The following HDAC8 variants were observed in gnomAD, a reference collection of about 807,000 sequenced individuals.
The protein encoded by HDAC8 is histone deacetylase-like 1.
HDAC8 carries 1 observed loss-of-function variant against 32.2 expected under a neutral mutation model. The ratio of observed to expected loss-of-function variants is 0.03; its 90% CI spans 0.01 to 0.15. The LOEUF is 0.15. Among genes scored for constraint, HDAC8 ranks in the 10% least tolerant of loss-of-function variants. The pLI is 1.00. For synonymous variants in HDAC8, 108 were observed against 113.9 expected, an observed-to-expected ratio of 0.95 and a Z score of 0.33; for missense variants, 117 against 300.0, an observed-to-expected ratio of 0.39 and a Z score of 4.51.
chrX:72,441,795 T>C (rs1163568725), intron 9 of HDAC8, among the ~76,000 whole-genome samples: 3 of 111,436 alleles, frequency 2.7e-5, no homozygotes, highest in South Asian at 7.5e-4. Flanking sequence ...GAAAAAAATT[T>C]AGACGAATGT....
At position 72,513,316 on chromosome X, in the gene HDAC8, T is replaced by C. The variant is rs533896671; in HGVS notation, c.438-18048A>G. Among the ~76,000 whole-genome samples, 12 of 110,826 alleles carry C rather than the reference T, an allele frequency of 1.1e-4. No individual in the cohort carries two copies. In the South Asian group the frequency reaches 4.6e-3, roughly 42 times the overall value. On this transcript the variant is annotated intron_variant, in intron 4 of 10. Transcript: ENST00000373573. ...GCTTAGCACATGCTATGCTTTAAAC[T>C]TTTTCTAATTACTTTTTTTTTTTTT...
intron 4 of HDAC8, among the ~76,000 whole-genome samples, chrX:72,526,224 G>A (rs1397524701): frequency 9.1e-6 from 1 of 110,241 alleles, no homozygotes; most frequent in African/African-American, 3.3e-5. Context: ...TTTTCTCCCT[G>A]CTCCTGCCCC....
At chrX:72,345,951 T>TG (rs2044016473) in intron 10 of HDAC8, among the ~76,000 whole-genome samples, 1 of 112,099 alleles carries the variant, frequency 8.9e-6, no homozygotes, top group Non-Finnish European at 1.9e-5. Context: ...CCCAAAGTGC[T>TG]GGATTACAAG....
intron 4 of HDAC8, among the ~76,000 whole-genome samples, chrX:72,509,887 T>A (rs1199807710): frequency 2.7e-5 from 3 of 111,567 alleles, no homozygotes; most frequent in African/African-American, 9.8e-5. Context: ...TCTATCCCCA[T>A]TTACCATTTT....
chrX:72,482,602 TG>T (rs72385401), intron 7 of HDAC8, among the ~76,000 whole-genome samples: 28,365 of 107,009 alleles, frequency 0.27, 3,578 homozygotes, highest in Middle Eastern at 0.49. Flanking sequence ...GTTTCTATTT[TG>T]GGGGGGGGGA....
intron 10 of HDAC8, among the ~76,000 whole-genome samples, chrX:72,350,203 A>G (rs1011546917): frequency 5.5e-4 from 61 of 111,319 alleles, no homozygotes; most frequent in Admixed American, 2.8e-3. Context: ...GGTGAGAGGG[A>G]GTTAGCTTGA....
chrX:72,345,693 T>C (rs907778097), intron 10 of HDAC8, among the ~76,000 whole-genome samples: 5 of 111,675 alleles, frequency 4.5e-5, no homozygotes, highest in Non-Finnish European at 9.4e-5. Flanking sequence ...AAAAAATTTT[T>C]TTTTGTAGAT....
At chrX:72,434,307 A>C (rs2046894445) in intron 9 of HDAC8, among the ~76,000 whole-genome samples, 1 of 111,737 alleles carries the variant, frequency 8.9e-6, no homozygotes, top group Admixed American at 9.5e-5. Context: ...TAAAGAACCT[A>C]GCATATATAC....
At chrX:72,337,198 T>C (rs1555942810) in intron 10 of HDAC8, among the ~76,000 whole-genome samples, 1 of 112,516 alleles carries the variant, frequency 8.9e-6, no homozygotes, top group Non-Finnish European at 1.9e-5. Flanking sequence ...TTAATCTTTT[T>C]AATGTGGAGC....
chrX:72,394,262 T>C (rs1195883514), intron 9 of HDAC8, among the ~76,000 whole-genome samples: 2 of 111,292 alleles, frequency 1.8e-5, no homozygotes, highest in African/African-American at 6.5e-5. Flanking sequence ...ATGATGTCTT[T>C]GTGAGGTCGC....
intron 7 of HDAC8, among the ~76,000 whole-genome samples, chrX:72,470,025 G>C (rs1022722325): frequency 5.5e-5 from 6 of 109,901 alleles, no homozygotes; most frequent in Non-Finnish European, 1.1e-4. Flanking sequence ...GTGGGCACCT[G>C]TAATCCCAGC....
chrX:72,443,081 A>C (rs1164837290), intron 9 of HDAC8, among the ~76,000 whole-genome samples: 2 of 109,065 alleles, frequency 1.8e-5, no homozygotes, highest in Non-Finnish European at 3.8e-5. Context: ...CCACACAATA[A>C]TAATGGGAGA....
chrX:72,571,906 T>C (rs2052095579), intron 2 of HDAC8, 151 bp downstream of exon 2: 1 of 469,756 alleles, frequency 2.1e-6, no homozygotes, highest in Non-Finnish European at 3.4e-6. Context: ...TTTCTTGGGA[T>C]TACAGGCAGA....
intron 9 of HDAC8, among the ~76,000 whole-genome samples, chrX:72,360,614 T>C (rs1489577258): frequency 9.0e-6 from 1 of 111,658 alleles, no homozygotes; most frequent in Non-Finnish European, 1.9e-5. Context: ...CCTGAATCAC[T>C]GTTTGAAAAG....
chrX:72,554,499 A>AACGGGTAGG (rs1556085841), intron 4 of HDAC8, among the ~76,000 whole-genome samples: 1 of 14,920 alleles, frequency 6.7e-5, no homozygotes, highest in African/African-American at 8.2e-5. Context: ...GGGCGGGGGG[A>AACGGGTAGG]GCGGGGAGGG....
chrX:72,427,004 A>G (rs1195414965), intron 9 of HDAC8, among the ~76,000 whole-genome samples: 1 of 110,411 alleles, frequency 9.1e-6, no homozygotes, highest in Non-Finnish European at 1.9e-5. Context: ...AGAAACTGTG[A>G]ACGCTGCCAG....
In HDAC8 at chrX:72,515,224, C is replaced by T. The variant is rs782028551; in HGVS notation, c.438-19956G>A. 6.3e-5 allele frequency among the ~76,000 whole-genome samples: 7 copies of T among 110,961 alleles called. No individual in the cohort carries two copies. The South Asian group carries it at 1.6e-3, about 25-fold the overall frequency. ...TTCCCCCTTCTCTACCCCTGGTAACCGCCATTCTTTTCTCTGTTTTTGAGT... is the reference window on the plus strand; with the variant it reads ...TTCCCCCTTCTCTACCCCTGGTAACTGCCATTCTTTTCTCTGTTTTTGAGT... On this transcript the variant is annotated intron_variant, in intron 4 of 10. Coordinates refer to ENST00000373573, the MANE Select transcript of HDAC8 (RefSeq NM_018486.3).
chrX:72,338,640 G>GATATATAT (rs10632029), intron 10 of HDAC8, among the ~76,000 whole-genome samples: 8 of 91,710 alleles, frequency 8.7e-5, no homozygotes, highest in African/African-American at 3.2e-4. Flanking sequence ...TAGTCACCTT[G>GATATATAT]ATATATATAT....
At chrX:72,332,854 G>C (rs1474932215) in intron 10 of HDAC8, among the ~76,000 whole-genome samples, 4 of 110,202 alleles carry the variant, frequency 3.6e-5, no homozygotes, top group Non-Finnish European at 7.6e-5. Flanking sequence ...ATCTCACCAT[G>C]TTGGCCAAGC....
Sources: gnomAD v4.1 joint callset for allele counts (sites outside exome capture counted in the v4.1 genomes callset) on GRCh38, gnomAD v4.1.1 for gene constraint, MANE v1.5 for transcripts, NCBI Gene and HGNC (gene_info 2026-07-23, HGNC 2026-07-21) for gene names.